The following ADCY8 variants were observed in gnomAD, a reference collection of about 807,000 sequenced individuals.
ADCY8 encodes the protein adenylate cyclase 8, also known as adenylate cyclase type 8.
In ADCY8, 51 loss-of-function variants were observed where a neutral mutation model predicts 119.7. That is an observed-to-expected ratio of 0.43 (90% confidence interval 0.34 to 0.54). ADCY8 has a LOEUF of 0.54. ADCY8 is among the 20% of genes least tolerant of loss of function. The pLI, the probability that ADCY8 is intolerant of heterozygous loss-of-function variation, is 0.03. For missense variants in ADCY8, 1,383 were observed against 1,598.8 expected (o/e 0.87, Z 2.30); for synonymous variants, 665 against 651.0 (o/e 1.02, Z -0.33).
intron 14 of ADCY8, among the ~76,000 whole-genome samples, chr8:130,808,222 C>A (rs1816039461): frequency 6.6e-6 from 1 of 151,968 alleles, no homozygotes; most frequent in Admixed American, 6.6e-5. Flanking sequence ...AGCATCAAGG[C>A]CTTTGTTGTT....
rs1156627224 is a variant in ADCY8, at chr8:130,891,907, G to C, written c.1912-7146C>G. Among the ~76,000 whole-genome samples, 3 of 152,138 alleles carry C rather than the reference G, an allele frequency of 2.0e-5. No individual in the cohort carries two copies. In the East Asian group the frequency reaches 5.8e-4, roughly 29 times the overall value. On this transcript the variant is annotated intron_variant, in intron 7 of 17. Transcript: ENST00000286355. ...GCAACTTTTCTTGTCTATACTAAGA[G>C]AAAATGAAACAGTACAGCCAAATGA...
chr8:130,898,597 G>T (rs1819489192), intron 7 of ADCY8, among the ~76,000 whole-genome samples: 1 of 152,134 alleles, frequency 6.6e-6, no homozygotes, highest in Non-Finnish European at 1.5e-5. Context: ...AAACATGCCT[G>T]GATTCTCAGG....
intron 7 of ADCY8, among the ~76,000 whole-genome samples, chr8:130,899,301 C>G (rs1045611758): frequency 2.0e-5 from 3 of 152,162 alleles, no homozygotes; most frequent in Non-Finnish European, 4.4e-5. Flanking sequence ...GCATTCCTCA[C>G]TCCTTTGAAA....
At chr8:130,869,030 G>A (rs1417217295) in intron 8 of ADCY8, among the ~76,000 whole-genome samples, 1 of 152,172 alleles carries the variant, frequency 6.6e-6, no homozygotes, top group African/African-American at 2.4e-5. Context: ...ACTTCTTGGG[G>A]TGGTCTGGGT....
At chr8:130,994,744 A>G in intron 1 of ADCY8, among the ~76,000 whole-genome samples, 1 of 152,134 alleles carries the variant, frequency 6.6e-6, no homozygotes, top group Middle Eastern at 3.2e-3. Context: ...TATTTTCTTT[A>G]TTCATTTTGA....
chr8:131,010,826 T>C (rs547730273), intron 1 of ADCY8, among the ~76,000 whole-genome samples: 6 of 152,332 alleles, frequency 3.9e-5, no homozygotes, highest in Non-Finnish European at 7.4e-5. Flanking sequence ...AGTTCAACCA[T>C]ACAGAAAGGA....
chr8:131,013,944 G>A (rs952136182), intron 1 of ADCY8, among the ~76,000 whole-genome samples: 1 of 152,200 alleles, frequency 6.6e-6, no homozygotes, highest in Middle Eastern at 3.4e-3. Flanking sequence ...TGTTGCAAAG[G>A]AATCTCACAT....
intron 11 of ADCY8, among the ~76,000 whole-genome samples, chr8:130,845,362 A>G (rs1684193377): frequency 3.3e-5 from 5 of 152,208 alleles, no homozygotes; most frequent in Admixed American, 2.6e-4. Context: ...GGCAGGCACC[A>G]TGAGAACACA....
chr8:130,802,960 G>A (rs575171372), intron 14 of ADCY8, among the ~76,000 whole-genome samples: 2 of 152,280 alleles, frequency 1.3e-5, no homozygotes, highest in South Asian at 2.1e-4. Flanking sequence ...TTTCCCAGCC[G>A]GATTAAGCTC....
chr8:130,903,937 G>A lies in ADCY8; in HGVS notation c.1746C>T (p.Ile582=), dbSNP rs377395326. ...CAGGCTGCTTAATTAAGTAAGTTTC[G>A]ATATTATGCTTCCTCAGGAATTCAT... ...ERNEFLRKHN[I]ETYLIKQPED... is the part of the protein sequence containing the mutation. The change falls in exon 7 of 18, where the codon ATC becomes ATT. Residue 582 remains isoleucine, a synonymous_variant. Transcript: ENST00000286355. 182 of 1,614,096 alleles carry A rather than the reference G, an allele frequency of 1.1e-4. No homozygotes were observed. The highest frequency in any genetic ancestry group is 3.3e-4 in the East Asian group (15 of 44,856).
At chr8:131,022,447 T>C (rs147721228) in intron 1 of ADCY8, among the ~76,000 whole-genome samples, 2,093 of 152,356 alleles carry the variant, frequency 0.014, 32 homozygotes, top group African/African-American at 0.029. Context: ...GTAAAGGACA[T>C]GAACTCATCC....
At chr8:130,902,473 C>T (rs570511017) in intron 7 of ADCY8, among the ~76,000 whole-genome samples, 1 of 152,208 alleles carries the variant, frequency 6.6e-6, no homozygotes, top group Non-Finnish European at 1.5e-5. Flanking sequence ...AGGGTCAACT[C>T]TTGCAAGGCA....
At position 130,847,522 on chromosome 8, in the gene ADCY8, T is replaced by TAAA. The variant is rs5895060; in HGVS notation, c.2413-12_2413-10dup. 5.2e-5 allele frequency: 75 copies of TAAA among 1,438,390 alleles called. No individual in the cohort carries two copies. Among genetic ancestry groups the TAAA allele is most frequent in the African/African-American group, 2.3e-4 (15 of 64,090 alleles). The allele number at this position is 1,438,390 out of a possible 1,614,324, so 89.1% of individuals were successfully genotyped here. ...TCAAAATCACACCACAGCTGCGGATTAAAAAAAAAAAAAAAAGAACAACAA... is the reference window on the plus strand; with the variant it reads ...TCAAAATCACACCACAGCTGCGGATTAAAAAAAAAAAAAAAAAAAGAACAACAA... On this transcript the variant is annotated splice_polypyrimidine_tract_variant and intron_variant, in intron 10 of 17. Coordinates refer to ENST00000286355, the MANE Select transcript of ADCY8 (RefSeq NM_001115.3).
chr8:130,816,392 T>C (rs930531211), intron 13 of ADCY8, among the ~76,000 whole-genome samples: 3 of 151,656 alleles, frequency 2.0e-5, no homozygotes, highest in East Asian at 1.9e-4. Context: ...TCCACATGCA[T>C]GCACACACAC....
chr8:130,997,234 TATA>T (rs2130754741), intron 1 of ADCY8, among the ~76,000 whole-genome samples: 1 of 51,172 alleles, frequency 2.0e-5, no homozygotes, highest in Admixed American at 2.3e-4. Flanking sequence ...GAAATATATA[TATA>T]CATATACATA....
At chr8:130,959,654 G>T (rs1180035919) in intron 2 of ADCY8, among the ~76,000 whole-genome samples, 1 of 152,198 alleles carries the variant, frequency 6.6e-6, no homozygotes, top group Non-Finnish European at 1.5e-5. Context: ...CAGAGTGAAA[G>T]GATTAACTTA....
intron 3 of ADCY8, 47 bp downstream of exon 3, chr8:130,951,821 A>T (rs762885319): frequency 3.1e-6 from 5 of 1,605,064 alleles, no homozygotes; most frequent in African/African-American, 2.7e-5. Context: ...GCACCCAAAC[A>T]CACATGGATC....
Position 131,004,695 on chromosome 8 carries a change from C to T in ADCY8, c.961-14153G>A, listed in dbSNP as rs182011856. On this transcript the variant is annotated intron_variant, in intron 1 of 17. Transcript: ENST00000286355. ...GGTCAAGCAGTGTGCTAGGGTTATA[C>T]GTATGTGGACCAAACAAACACATAT... Among the ~76,000 whole-genome samples, 877 of 152,272 alleles carry T rather than the reference C, an allele frequency of 5.8e-3. 20 individuals carry two copies. Among genetic ancestry groups the T allele is most frequent in the Admixed American group, 0.051 (779 of 15,302 alleles).
intron 1 of ADCY8, among the ~76,000 whole-genome samples, chr8:131,006,362 GAGAGGCACTGA>G (rs1294419351): frequency 1.3e-5 from 2 of 152,290 alleles, no homozygotes; most frequent in East Asian, 1.9e-4. Flanking sequence ...GATTCAGCAG[GAGAGGCACTGA>G]AGAGGCACCA....
Sources: gnomAD v4.1 joint callset for allele counts (sites outside exome capture counted in the v4.1 genomes callset) on GRCh38, gnomAD v4.1.1 for gene constraint, MANE v1.5 for transcripts, NCBI Gene and HGNC (gene_info 2026-07-23, HGNC 2026-07-21) for gene names.